The following SEPTIN9 variants were observed in gnomAD, a reference collection of about 807,000 sequenced individuals.
SEPTIN9 encodes the protein septin-9.
SEPTIN9 carries 13 observed loss-of-function variants against 56.6 expected under a neutral mutation model. The observed-to-expected ratio is 0.23, with a 90% CI of 0.15 to 0.37. The LOEUF (loss-of-function observed/expected upper bound fraction) is 0.37. SEPTIN9 is among the 10% of genes least tolerant of loss of function. SEPTIN9 has a pLI of 1.00. For missense variants in SEPTIN9, 650 were observed against 823.1 expected, an observed-to-expected ratio of 0.79 and a Z score of 2.57; for synonymous variants, 332 against 334.1, an observed-to-expected ratio of 0.99 and a Z score of 0.07.
intron 4 of SEPTIN9, among the ~76,000 whole-genome samples, chr17:77,486,521 T>C (rs62077399): frequency 0.087 from 10,476 of 120,098 alleles, 522 homozygotes; most frequent in East Asian, 0.32. Context: ...TGTGTGTGTG[T>C]GCGCGCACGC....
At chr17:77,422,031 T>C (rs1298837683) in intron 3 of SEPTIN9, among the ~76,000 whole-genome samples, 1 of 19,254 alleles carries the variant, frequency 5.2e-5, no homozygotes, top group African/African-American at 8.3e-4. Flanking sequence ...TAATTTTAAT[T>C]TTTTTTTGTA....
chr17:77,302,535 GGGCGT>G (rs144247819), intron 1 of SEPTIN9, among the ~76,000 whole-genome samples: 10,159 of 152,090 alleles, frequency 0.067, 492 homozygotes, highest in African/African-American at 0.13. Flanking sequence ...AAAATTAGCC[GGGCGT>G]GGTAGTGCAT....
Position 77,453,045 on chromosome 17 carries a change from T to C in SEPTIN9, c.722-29099T>C, listed in dbSNP as rs2038046473. Among the ~76,000 whole-genome samples the C allele has an allele frequency of 6.6e-6, 1 of 151,836 alleles. No homozygotes were observed. Among genetic ancestry groups the C allele is most frequent in the African/African-American group, 2.4e-5 (1 of 41,310 alleles). ...GCCCCTTCTGTCCCCTGGCCATTTC[T>C]GTGTCGGGGTGGCTGAGACACTATT... is the stretch of plus-strand genomic sequence containing the variant. On this transcript the variant is annotated intron_variant, in intron 3 of 11. Coordinates refer to ENST00000427177, the MANE Select transcript of SEPTIN9 (RefSeq NM_001113491.2). The surrounding 1 kb of genome is among the most constrained non-coding windows in gnomAD (Gnocchi z 4.4).
intron 3 of SEPTIN9, among the ~76,000 whole-genome samples, chr17:77,468,233 C>T (rs1380915628): frequency 6.6e-6 from 1 of 152,146 alleles, no homozygotes; most frequent in African/African-American, 2.4e-5. Flanking sequence ...CCACTGCACT[C>T]CAGCCTGGGC....
At chr17:77,493,143 T>C (rs1179388909) in intron 10 of SEPTIN9, 67 bp downstream of exon 10, 9 of 1,273,942 alleles carry the variant, frequency 7.1e-6, no homozygotes, top group Non-Finnish European at 8.9e-6. Context: ...ACCCAGAGCC[T>C]GTGGGCCACG....
Position 77,498,559 on chromosome 17 carries a change from C to T in SEPTIN9, c.1662C>T (p.Ser554=), listed in dbSNP as rs1221087538. Residue 554 remains serine, a synonymous_variant, in exon 12 of 12, where the codon AGC becomes AGT. Coordinates refer to ENST00000427177, the MANE Select transcript of SEPTIN9 (RefSeq NM_001113491.2). ...HMQNIKDITS[S]IHFEAYRVKR... ...AGAACATCAAGGACATCACCAGCAG[C>T]ATCCACTTCGAGGCGTACCGTGTGA... The T allele has an allele frequency of 1.3e-6, 2 of 1,575,152 alleles. No individual in the cohort carries two copies. The highest frequency in any genetic ancestry group is 1.1e-5 in the South Asian group (1 of 87,404).
Position 77,421,302 on chromosome 17 carries a change from G to T in SEPTIN9, c.721+18599G>T, listed in dbSNP as rs2036693865. Among the ~76,000 whole-genome samples, 1 of 152,186 alleles carries T rather than the reference G, an allele frequency of 6.6e-6. No homozygotes were observed. The highest frequency in any genetic ancestry group is 6.5e-5 in the Admixed American group (1 of 15,280). ...AAATAAGACACCGCCCGTCTGTGGG[G>T]TGAGCAGGAACAGATTGGAACCGCA... On this transcript the variant is annotated intron_variant, in intron 3 of 11. Transcript: ENST00000427177. The surrounding 1 kb of genome is among the most constrained non-coding windows in gnomAD (Gnocchi z 4.6).
chr17:77,497,231 C>T (rs2040307544), intron 10 of SEPTIN9, 84 bp from the exon 11 acceptor site: 1 of 1,394,692 alleles, frequency 7.2e-7, no homozygotes, highest in Non-Finnish European at 1.0e-6. Context: ...TTGGCACCAG[C>T]ATTTCTGGGC....
At position 77,482,197 on chromosome 17, in the gene SEPTIN9, G is replaced by A. The variant is rs749212687; in HGVS notation, c.775G>A (p.Ala259Thr). 5.6e-6 allele frequency: 9 copies of A among 1,609,924 alleles called. No homozygotes were observed. In the East Asian group the frequency reaches 1.6e-4, roughly 28 times the overall value. Residue 259 changes from alanine (A) to threonine (T), a missense_variant, in exon 4 of 12, where the codon GCC (alanine) becomes ACC (threonine). Around this residue, in one of 2 missense-constraint regions of SEPTIN9, gnomAD observed 333 missense variants for 494.0 expected, o/e 0.67. Transcript: ENST00000427177. ...CGACATGGCCGACACCCCCAGAGATGCCGGGCTCAAGCAGGCGCCTGCATC... is the reference window on the plus strand; with the variant it reads ...CGACATGGCCGACACCCCCAGAGATACCGGGCTCAAGCAGGCGCCTGCATC... ...VGDMADTPRD[A>T]GLKQAPASRN...
chr17:77,475,745 G>A lies in SEPTIN9; in HGVS notation c.722-6399G>A, dbSNP rs781371974. The A allele has an allele frequency of 2.8e-5, 45 of 1,612,972 alleles. No individual in the cohort carries two copies. Among genetic ancestry groups the A allele is most frequent in the Non-Finnish European group, 3.6e-5 (42 of 1,179,880 alleles). On this transcript the variant is annotated intron_variant, in intron 3 of 11. Coordinates refer to ENST00000427177, the MANE Select transcript of SEPTIN9 (RefSeq NM_001113491.2). This position sits in a 1 kb window ranked among gnomAD's most constrained non-coding sequence, Gnocchi z 4.6. ...GGCAAGGGCACCAGCTGTAGATGCCGGCAGCTTTCTCCTGGACACGGGCCT... is the reference window on the plus strand; with the variant it reads ...GGCAAGGGCACCAGCTGTAGATGCCAGCAGCTTTCTCCTGGACACGGGCCT...
chr17:77,308,458 G>A (rs560816828), intron 2 of SEPTIN9, among the ~76,000 whole-genome samples: 2 of 152,358 alleles, frequency 1.3e-5, no homozygotes, highest in African/African-American at 4.8e-5. Context: ...CTGTGATGGT[G>A]GGTCTGTTCT....
intron 10 of SEPTIN9, chr17:77,496,959 A>C: frequency 3.0e-6 from 1 of 333,588 alleles, no homozygotes. Flanking sequence ...CTCCCTGGTC[A>C]CCCCAGTGGT....
intron 3 of SEPTIN9, among the ~76,000 whole-genome samples, chr17:77,457,998 A>G (rs1224348832): frequency 2.0e-5 from 3 of 152,184 alleles, no homozygotes; most frequent in Non-Finnish European, 4.4e-5. Context: ...CTGTGCCCCC[A>G]CAGGCTTCCT....
intron 1 of SEPTIN9, among the ~76,000 whole-genome samples, chr17:77,298,903 T>A (rs1006028586): frequency 5.3e-5 from 8 of 152,212 alleles, no homozygotes; most frequent in Non-Finnish European, 1.0e-4. Context: ...AGCCTTGAAC[T>A]TCTGGGCTCA....
At chr17:77,379,446 A>G (rs758949248) in intron 2 of SEPTIN9, among the ~76,000 whole-genome samples, 23 of 152,114 alleles carry the variant, frequency 1.5e-4, no homozygotes, top group Non-Finnish European at 3.2e-4. Flanking sequence ...CAGACTGTGC[A>G]TTTGTCTGTA....
intron 2 of SEPTIN9, among the ~76,000 whole-genome samples, chr17:77,352,179 C>T (rs1283968028): frequency 2.0e-5 from 3 of 151,330 alleles, no homozygotes; most frequent in African/African-American, 7.3e-5. Context: ...GGTTGGATCA[C>T]GAGGTCAGGA....
chr17:77,467,285 G>T lies in SEPTIN9; in HGVS notation c.722-14859G>T, dbSNP rs576469766. 4.0e-4 allele frequency among the ~76,000 whole-genome samples: 61 copies of T among 152,360 alleles called. No homozygotes were observed. The South Asian group carries it at 4.1e-3, about 10-fold the overall frequency. The stretch of plus-strand genomic sequence containing the variant: ...CCTGCCTCAGCGTGGGGAGTGGCCT[G>T]GCCAAGGTCTCAGTGTCTGGTTGGA... On this transcript the variant is annotated intron_variant, in intron 3 of 11. Coordinates refer to ENST00000427177, the MANE Select transcript of SEPTIN9 (RefSeq NM_001113491.2).
At position 77,421,408 on chromosome 17, in the gene SEPTIN9, G is replaced by A. The variant is rs531111145; in HGVS notation, c.721+18705G>A. 1.5e-3 allele frequency among the ~76,000 whole-genome samples: 230 copies of A among 152,280 alleles called. 1 individual carries two copies. Among genetic ancestry groups the A allele is most frequent in the African/African-American group, 5.0e-3 (208 of 41,536 alleles). On this transcript the variant is annotated intron_variant, in intron 3 of 11. Transcript: ENST00000427177. The surrounding 1 kb of genome is among the most constrained non-coding windows in gnomAD (Gnocchi z 4.6). ...CTGCCGCCTCTCCCCACAAGACTGG[G>A]CTGGATGCTGCTGGGAAAGTCAACA...
In SEPTIN9 at chr17:77,300,355, C is replaced by T. The variant is rs1358061690; in HGVS notation, c.20-6786C>T. Among the ~76,000 whole-genome samples the T allele has an allele frequency of 1.2e-4, 19 of 152,116 alleles. No individual in the cohort carries two copies. The East Asian group carries it at 3.7e-3, about 29-fold the overall frequency. ...GGATGAATAAATTGACTTTGATCCA[C>T]AGCCCCACGTGTCAGCCTTGAGGGT... is the stretch of plus-strand genomic sequence containing the variant. On this transcript the variant is annotated intron_variant, in intron 1 of 11. Coordinates refer to ENST00000427177, the MANE Select transcript of SEPTIN9 (RefSeq NM_001113491.2).
Sources: gnomAD v4.1 joint callset for allele counts (sites outside exome capture counted in the v4.1 genomes callset) on GRCh38, gnomAD v4.1.1 for gene constraint, gnomAD v4.1.1 regional missense constraint, Gnocchi (gnomAD v3.1) non-coding constraint, MANE v1.5 for transcripts, NCBI Gene and HGNC (gene_info 2026-07-23, HGNC 2026-07-21) for gene names.